The following ZNF462 variants were observed in gnomAD, a reference collection of about 807,000 sequenced individuals.
ZNF462 encodes the protein zinc finger PBX1-interacting protein.
ZNF462 carries 10 observed loss-of-function variants against 201.9 expected under a neutral mutation model. The ratio of observed to expected loss-of-function variants is 0.05; its 90% CI spans 0.03 to 0.08. The LOEUF is 0.08. ZNF462 is among the 10% of genes least tolerant of loss of function. The pLI, the probability that ZNF462 is intolerant of heterozygous loss-of-function variation, is 1.00. For missense variants in ZNF462, 2,523 were observed against 3,168.3 expected (o/e 0.80, Z 4.89); for synonymous variants, 1,227 against 1,193.3 (o/e 1.03, Z -0.58).
intron 1 of ZNF462, among the ~76,000 whole-genome samples, chr9:106,884,187 A>C (rs1828221445): frequency 6.6e-6 from 1 of 152,190 alleles, no homozygotes; most frequent in South Asian, 2.1e-4. Context: ...GGAATTCATT[A>C]GGTCTAGGGT....
At chr9:107,002,627 A>G (rs1829278781) in intron 10 of ZNF462, among the ~76,000 whole-genome samples, 1 of 152,206 alleles carries the variant, frequency 6.6e-6, no homozygotes, top group Admixed American at 6.5e-5. Context: ...AAAACCAGCC[A>G]TAGTTAACAC....
Position 107,003,414 on chromosome 9 carries a change from G to T in ZNF462, c.7177G>T (p.Ala2393Ser), listed in dbSNP as rs200008501. 2.5e-5 allele frequency: 41 copies of T among 1,613,466 alleles called. No individual in the cohort carries two copies. In the East Asian group the frequency reaches 8.0e-4, roughly 32 times the overall value. The change falls in exon 11 of 13, where the codon GCT (alanine) becomes TCT (serine). Residue 2393 changes from alanine (A) to serine (S), a missense_variant. This residue lies in a region of ZNF462 where 228 missense variants were observed against 361.2 expected (regional missense o/e 0.63). Coordinates refer to ENST00000277225, the MANE Select transcript of ZNF462 (RefSeq NM_021224.6). This position sits in a 1 kb window ranked among gnomAD's most constrained non-coding sequence, Gnocchi z 4.4. ...EDKEEEMNSKAEDRELMRFSD... is the reference protein window; with the variant it reads ...EDKEEEMNSKSEDRELMRFSD... The stretch of plus-strand genomic sequence containing the variant: ...CAAGGAAGAAGAAATGAACAGCAAG[G>T]CTGAAGACAGAGGTTAGTCTCATCC...
intron 10 of ZNF462, among the ~76,000 whole-genome samples, chr9:106,985,880 G>C (rs938212346): frequency 1.3e-5 from 2 of 152,080 alleles, no homozygotes; most frequent in African/African-American, 4.8e-5. Flanking sequence ...TTTCCAATGT[G>C]TCTGCCCGAG....
rs1451684267 is a variant in ZNF462, at chr9:106,929,158, C to T, written c.5246C>T (p.Pro1749Leu). The change falls in exon 3 of 13, where the codon CCC (proline) becomes CTC (leucine). Residue 1749 changes from proline (P) to leucine (L), a missense_variant. Transcript: ENST00000277225. The surrounding 1 kb of genome is among the most constrained non-coding windows in gnomAD (Gnocchi z 8.7). The part of the protein sequence containing the change: ...KPNKVIIPSP[P>L]KDDSPQLSEE... The stretch of plus-strand genomic sequence containing the variant: ...AACAAAGTGATCATCCCATCCCCGC[C>T]CAAGGACGACTCCCCTCAGCTGAGC... The T allele has an allele frequency of 3.7e-6, 6 of 1,614,012 alleles. No individual in the cohort carries two copies. The highest frequency in any genetic ancestry group is 5.1e-6 in the Non-Finnish European group (6 of 1,180,022).
chr9:106,888,637 A>G (rs1321644237), intron 1 of ZNF462, among the ~76,000 whole-genome samples: 1 of 152,202 alleles, frequency 6.6e-6, no homozygotes, highest in Non-Finnish European at 1.5e-5. Context: ...ATGCAGTGCC[A>G]CTGTGGTCTG....
At position 106,928,375 on chromosome 9, in the gene ZNF462, A is replaced by T; in HGVS notation, c.4463A>T (p.His1488Leu). ...AACAACTTGCACGGCCTTCTCACTC[A>T]TTATGGGAAGAAGCACCCTGGCATG... is the stretch of plus-strand genomic sequence containing the variant. ...EYNNLHGLLT[H>L]YGKKHPGMKV... is the part of the protein sequence containing the mutation. The change falls in exon 3 of 13, where the codon CAT (histidine) becomes CTT (leucine). Residue 1488 changes from histidine to leucine, a missense_variant. Physicochemically the swap from His to Leu is moderately conservative, Grantham distance 99 (BLOSUM62 -3). Transcript: ENST00000277225. The surrounding 1 kb of genome is among the most constrained non-coding windows in gnomAD (Gnocchi z 9.3). 1 of 1,614,172 alleles carries T rather than the reference A, an allele frequency of 6.2e-7. No homozygotes were observed. The highest frequency in any genetic ancestry group is 8.5e-7 in the Non-Finnish European group (1 of 1,180,042).
At chr9:106,864,084 C>T (rs1319054949) in intron 1 of ZNF462, among the ~76,000 whole-genome samples, 2 of 138,538 alleles carry the variant, frequency 1.4e-5, no homozygotes, top group African/African-American at 2.7e-5. Context: ...CTCTCTCTCT[C>T]TCTCTCTCTC....
chr9:106,972,049 C>T lies in ZNF462; in HGVS notation c.6472C>T (p.His2158Tyr), dbSNP rs770905420. The change falls in exon 8 of 13, where the codon CAC becomes TAC. Residue 2158 changes from histidine to tyrosine, a missense_variant. By Grantham distance (83) the His-to-Tyr change is moderately conservative (BLOSUM62 2). Around this residue, in one of 15 missense-constraint regions of ZNF462, gnomAD observed 138 missense variants for 146.3 expected, o/e 0.94. Transcript: ENST00000277225. The surrounding 1 kb of genome is among the most constrained non-coding windows in gnomAD (Gnocchi z 4.8). The stretch of plus-strand genomic sequence containing the variant: ...CCCAGATGTTCAGCAGCAGTTGAAC[C>T]ACTATCAGTCAGCTGCCCTGGCAAG... ...EPPDVQQQLNHYQSAALARNN... is the reference protein window; with the variant it reads ...EPPDVQQQLNYYQSAALARNN... 2 of 1,614,170 alleles carry T rather than the reference C, an allele frequency of 1.2e-6. No individual in the cohort carries two copies. Among genetic ancestry groups the T allele is most frequent in the Admixed American group, 3.3e-5 (2 of 60,032 alleles).
At chr9:106,942,086 T>TG (rs1019319786) in intron 7 of ZNF462, among the ~76,000 whole-genome samples, 1 of 152,154 alleles carries the variant, frequency 6.6e-6, no homozygotes, top group Non-Finnish European at 1.5e-5. Context: ...GTTGCAGGCC[T>TG]GGGGGGAGTC....
intron 10 of ZNF462, among the ~76,000 whole-genome samples, chr9:107,001,011 G>C (rs1033899332): frequency 1.3e-5 from 2 of 152,044 alleles, no homozygotes; most frequent in African/African-American, 4.8e-5. Flanking sequence ...ATTCTTCTTT[G>C]GTCTCCTTGG....
intron 7 of ZNF462, among the ~76,000 whole-genome samples, chr9:106,964,900 A>G (rs1832000740): frequency 1.3e-5 from 2 of 152,106 alleles, no homozygotes; most frequent in African/African-American, 2.4e-5. Flanking sequence ...TGGACCTGCT[A>G]AAGGATGGTG....
At position 106,993,969 on chromosome 9, in the gene ZNF462, C is replaced by T. The variant is rs1207471588; in HGVS notation, c.7057-9325C>T. 6.6e-6 allele frequency among the ~76,000 whole-genome samples: 1 copy of T among 152,054 alleles called. No individual in the cohort carries two copies. The highest frequency in any genetic ancestry group is 1.9e-4 in the East Asian group (1 of 5,164). ...AGAAAAACAAACCTTGCACTTCTCACATTTAAAAAATACACACACTGTTTT... is the reference window on the plus strand; with the variant it reads ...AGAAAAACAAACCTTGCACTTCTCATATTTAAAAAATACACACACTGTTTT... On this transcript the variant is annotated intron_variant, in intron 10 of 12. Transcript: ENST00000277225. The surrounding 1 kb of genome is among the most constrained non-coding windows in gnomAD (Gnocchi z 4.0).
intron 1 of ZNF462, among the ~76,000 whole-genome samples, chr9:106,864,555 C>T (rs1827245392): frequency 6.6e-6 from 1 of 152,134 alleles, no homozygotes; most frequent in Non-Finnish European, 1.5e-5. Context: ...CACAAAGCTC[C>T]TTCTCACGTT....
chr9:106,952,631 T>G (rs763789295), intron 7 of ZNF462, among the ~76,000 whole-genome samples: 1 of 152,238 alleles, frequency 6.6e-6, no homozygotes, highest in Non-Finnish European at 1.5e-5. Flanking sequence ...CACTTGATAC[T>G]CTAATGGGCT....
rs1827617879 is a variant in ZNF462, at chr9:106,872,081, C to T, written c.-31+8726C>T. Among the ~76,000 whole-genome samples the T allele has an allele frequency of 6.6e-6, 1 of 152,150 alleles. No individual in the cohort carries two copies. Among genetic ancestry groups the T allele is most frequent in the Admixed American group, 6.5e-5 (1 of 15,292 alleles). On this transcript the variant is annotated intron_variant, in intron 1 of 12. Transcript: ENST00000277225. This position sits in a 1 kb window ranked among gnomAD's most constrained non-coding sequence, Gnocchi z 4.5. ...GTCCAGAATGTTTAGCCATTCTAAT[C>T]CCTAATTACATCATCCCTCTGTGTT... is the stretch of plus-strand genomic sequence containing the variant.
chr9:106,922,933 C>T (rs551786958), intron 1 of ZNF462, among the ~76,000 whole-genome samples: 32 of 152,192 alleles, frequency 2.1e-4, no homozygotes, highest in Non-Finnish European at 4.3e-4. Flanking sequence ...GAAATTTTCC[C>T]TTTCTTCTGT....
At chr9:106,888,647 G>T (rs1215239003) in intron 1 of ZNF462, among the ~76,000 whole-genome samples, 1 of 152,184 alleles carries the variant, frequency 6.6e-6, no homozygotes, top group Admixed American at 6.5e-5. Context: ...ACTGTGGTCT[G>T]TTGCCATTGG....
At position 106,925,326 on chromosome 9, in the gene ZNF462, T is replaced by C; in HGVS notation, c.1414T>C (p.Cys472Arg). 6.2e-7 allele frequency: 1 copy of C among 1,614,204 alleles called. No homozygotes were observed. Among genetic ancestry groups the C allele is most frequent in the Non-Finnish European group, 8.5e-7 (1 of 1,180,036 alleles). ...ATCTGGAAAGACAGCTGTCTACAAATGTGACGAATGTCCGTTTACTTGCAA... is the reference window on the plus strand; with the variant it reads ...ATCTGGAAAGACAGCTGTCTACAAACGTGACGAATGTCCGTTTACTTGCAA... ...HLSGKTAVYK[C>R]DECPFTCKSS... The change falls in exon 3 of 13, where the codon TGT (cysteine) becomes CGT (arginine). Residue 472 changes from cysteine to arginine, a missense_variant. Physicochemically the swap from Cys to Arg is radical, Grantham distance 180. Around this residue, in one of 15 missense-constraint regions of ZNF462, gnomAD observed 383 missense variants for 453.4 expected, o/e 0.84. Coordinates refer to ENST00000277225, the MANE Select transcript of ZNF462 (RefSeq NM_021224.6). The surrounding 1 kb of genome is among the most constrained non-coding windows in gnomAD (Gnocchi z 7.9).
chr9:106,892,651 C>T (rs924747876), intron 1 of ZNF462, among the ~76,000 whole-genome samples: 3 of 152,002 alleles, frequency 2.0e-5, no homozygotes, highest in East Asian at 1.9e-4. Context: ...CTTAGATCTT[C>T]GCCTTCATAT....
Sources: allele counts gnomAD v4.1 joint callset (sites outside exome capture counted in the v4.1 genomes callset), GRCh38; gene constraint gnomAD v4.1.1; regional missense constraint gnomAD v4.1.1; non-coding constraint Gnocchi (gnomAD v3.1); transcripts MANE v1.5; gene names NCBI Gene and HGNC (gene_info 2026-07-23, HGNC 2026-07-21).